Variants in CHIA observed in about 807,000 individuals in gnomAD.
CHIA encodes acidic mammalian chitinase.
CHIA carries 47 observed loss-of-function variants against 53.5 expected under a neutral mutation model. The observed-to-expected ratio is 0.88, with a 90% CI of 0.70 to 1.12. The LOEUF (loss-of-function observed/expected upper bound fraction) is 1.12. Among genes scored for constraint, CHIA ranks in the 50% most tolerant of loss-of-function variants. The probability of loss-of-function intolerance (pLI) is 0.00; values close to 1 mark genes in which losing one functional copy is unlikely to be tolerated. For synonymous variants in CHIA, 268 were observed against 222.2 expected (o/e 1.21, Z -1.83); for missense variants, 652 against 592.2 (o/e 1.10, Z -1.05).
Position 111,312,341 on chromosome 1 carries a change from C to G in CHIA, c.207C>G (p.Ile69Met). The change falls in exon 4 of 12, where the codon ATC (isoleucine) becomes ATG (methionine). Residue 69 changes from isoleucine to methionine, a missense_variant. Transcript: ENST00000369740. ...AGRQNNEITT[I>M]EWNDVTLYQA... ...GGCAGAACAACGAGATCACCACCAT[C>G]GAATGGAATGATGTGACTCTCTACC... 2.5e-6 allele frequency: 4 copies of G among 1,614,092 alleles called. No individual in the cohort carries two copies. The highest frequency in any genetic ancestry group is 1.6e-4 in the Middle Eastern group (1 of 6,062).
chr1:111,320,068 G>T, intron 11 of CHIA, 145 bp from the exon 12 acceptor site: 1 of 667,508 alleles, frequency 1.5e-6, no homozygotes. Flanking sequence ...TGAATATGGA[G>T]CTACTTTCTC....
Position 111,315,430 on chromosome 1 carries a change from G to A in CHIA, c.475G>A (p.Val159Met), listed in dbSNP as rs1223618282. 2 of 1,612,222 alleles carry A rather than the reference G, an allele frequency of 1.2e-6. No individual in the cohort carries two copies. The highest frequency in any genetic ancestry group is 1.7e-5 in the Admixed American group (1 of 59,704). Residue 159 changes from valine to methionine, a missense_variant, in exon 6 of 12, where the codon GTG becomes ATG. By Grantham distance (21) the Val-to-Met change is conservative. Coordinates refer to ENST00000369740, the MANE Select transcript of CHIA (RefSeq NM_201653.4). ...PQDKHLFTVLVQEMREAFEQE... is the reference protein window; with the variant it reads ...PQDKHLFTVLMQEMREAFEQE... The stretch of plus-strand genomic sequence containing the variant: ...GGACAAGCATCTCTTCACTGTCCTG[G>A]TGCAGGTGGGGAAGGAAGTCCCAGT...
chr1:111,317,924 G>A (rs1571303982), intron 7 of CHIA, 62 bp from the exon 8 acceptor site: 3 of 1,611,810 alleles, frequency 1.9e-6, no homozygotes, highest in African/African-American at 1.3e-5. Flanking sequence ...GTGGTGTCCT[G>A]TGCCTGCATA....
At chr1:111,299,994 G>A (rs909538073) in intron 1 of CHIA, among the ~76,000 whole-genome samples, 2 of 152,064 alleles carry the variant, frequency 1.3e-5, no homozygotes, top group Non-Finnish European at 2.9e-5. Context: ...ACTACAAAGA[G>A]AATAAAATAC....
At chr1:111,316,740 C>G (rs1035313598) in intron 6 of CHIA, 2 of 152,164 alleles carry the variant, frequency 1.3e-5, no homozygotes, top group African/African-American at 4.8e-5. Context: ...GGTTTTTAGA[C>G]TTACTGTCTC....
intron 1 of CHIA, among the ~76,000 whole-genome samples, chr1:111,305,106 T>C (rs1230989602): frequency 1.3e-5 from 2 of 152,192 alleles, no homozygotes; most frequent in African/African-American, 4.8e-5. Context: ...ATCTCTGTGC[T>C]GAGAATAAGC....
In CHIA at chr1:111,319,258, A is replaced by G; in HGVS notation, c.1035+19A>G. ...TATTAAGGTAAGATCAGTCCCTTAAATGTGCTGAGGTCCCAGCCCTGAGTC... is the reference window on the plus strand; with the variant it reads ...TATTAAGGTAAGATCAGTCCCTTAAGTGTGCTGAGGTCCCAGCCCTGAGTC... On this transcript the variant is annotated intron_variant, in intron 10 of 11. Coordinates refer to ENST00000369740, the MANE Select transcript of CHIA (RefSeq NM_201653.4). 6.2e-7 allele frequency: 1 copy of G among 1,614,188 alleles called. No homozygotes were observed. Among genetic ancestry groups the G allele is most frequent in the South Asian group, 1.1e-5 (1 of 91,068 alleles).
chr1:111,314,530 T>C lies in CHIA; in HGVS notation c.258-10T>C, dbSNP rs1392781992. ...TTGAAGTTTATCTGTTTCTATCCTT[T>C]GTTTTACAGGAACAGCCAGCTGAAA... On this transcript the variant is annotated splice_polypyrimidine_tract_variant and intron_variant, in intron 4 of 11. Transcript: ENST00000369740. 7 of 1,595,928 alleles carry C rather than the reference T, an allele frequency of 4.4e-6. No homozygotes were observed. The highest frequency in any genetic ancestry group is 1.7e-5 in the Admixed American group (1 of 59,980).
intron 1 of CHIA, among the ~76,000 whole-genome samples, chr1:111,300,069 A>G (rs1280451922): frequency 2.0e-5 from 3 of 152,190 alleles, no homozygotes; most frequent in Non-Finnish European, 2.9e-5. Flanking sequence ...GCACTGCTCA[A>G]TGAAATTAAA....
At position 111,319,240 on chromosome 1, in the gene CHIA, G is replaced by T; in HGVS notation, c.1035+1G>T. On this transcript the variant is annotated splice_donor_variant, in intron 10 of 11. Transcript: ENST00000369740. LOFTEE classifies it high-confidence loss of function. Reference sequence around the variant, plus strand: ...CAACATCAAGAGCTTCGATATTAAGGTAAGATCAGTCCCTTAAATGTGCTG... The same window carrying T: ...CAACATCAAGAGCTTCGATATTAAGTTAAGATCAGTCCCTTAAATGTGCTG... The T allele has an allele frequency of 6.2e-7, 1 of 1,614,184 alleles. No individual in the cohort carries two copies. Among genetic ancestry groups the T allele is most frequent in the Non-Finnish European group, 8.5e-7 (1 of 1,180,034 alleles).
intron 6 of CHIA, chr1:111,315,924 A>G (rs764294525): frequency 2.3e-3 from 226 of 96,916 alleles, no homozygotes; most frequent in Non-Finnish European, 4.0e-3. Flanking sequence ...ATAAGACACT[A>G]TCCTTGGCTT....
At chr1:111,294,654 T>C (rs993853797) in intron 1 of CHIA, among the ~76,000 whole-genome samples, 3 of 152,214 alleles carry the variant, frequency 2.0e-5, no homozygotes, top group African/African-American at 7.2e-5. Flanking sequence ...TCTTTCACCA[T>C]TGAGTATGAT....
chr1:111,319,210 T>C lies in CHIA; in HGVS notation c.1006T>C (p.Tyr336His). 1 of 1,614,218 alleles carries C rather than the reference T, an allele frequency of 6.2e-7. No individual in the cohort carries two copies. ...CTATCAGGGCAATGTGTGGGTTGGC[T>C]ATGACAACATCAAGAGCTTCGATAT... ...YAYQGNVWVG[Y>H]DNIKSFDIKA... The change falls in exon 10 of 12, where the codon TAT (tyrosine) becomes CAT (histidine). Residue 336 changes from tyrosine to histidine, a missense_variant. Transcript: ENST00000369740.
Position 111,318,069 on chromosome 1 carries a change from A to T in CHIA, c.689A>T (p.Lys230Ile). 1 of 1,613,918 alleles carries T rather than the reference A, an allele frequency of 6.2e-7. No individual in the cohort carries two copies. Among genetic ancestry groups the T allele is most frequent in the Non-Finnish European group, 8.5e-7 (1 of 1,179,796 alleles). ...GYTGENSPLY[K>I]YPTDTGSNAY... ...ACTGGAGAGAACAGCCCCCTCTACA[A>T]ATACCCGACTGACACCGGCAGCAAC... Residue 230 changes from lysine to isoleucine, a missense_variant, in exon 8 of 12, where the codon AAA becomes ATA. Physicochemically the swap from Lys to Ile is moderately radical, Grantham distance 102 (BLOSUM62 -3). Coordinates refer to ENST00000369740, the MANE Select transcript of CHIA (RefSeq NM_201653.4).
At chr1:111,294,550 T>C (rs904081669) in intron 1 of CHIA, among the ~76,000 whole-genome samples, 4 of 152,218 alleles carry the variant, frequency 2.6e-5, no homozygotes, top group Non-Finnish European at 5.9e-5. Context: ...TATGTCTTAT[T>C]TTTGCCCAAA....
chr1:111,310,405 T>C lies in CHIA; in HGVS notation c.-63T>C. 1 of 1,609,506 alleles carries C rather than the reference T, an allele frequency of 6.2e-7. No homozygotes were observed. Among genetic ancestry groups the C allele is most frequent in the Non-Finnish European group, 8.5e-7 (1 of 1,178,598 alleles). On this transcript the variant is annotated 5_prime_UTR_variant, in exon 2 of 12. Transcript: ENST00000369740. ...TCAAATTGTTCTCTATTTAGAAGCC[T>C]TTGTGATAACCACAGAATCAGAACA...
chr1:111,318,853 A>G (rs7526459), intron 9 of CHIA, among the ~76,000 whole-genome samples, 175 bp downstream of exon 9: 18,476 of 152,304 alleles, frequency 0.12, 1,194 homozygotes, highest in African/African-American at 0.17. Context: ...GCATTTAACA[A>G]TGCATAATAT....
At chr1:111,309,904 A>G (rs565527634) in intron 1 of CHIA, among the ~76,000 whole-genome samples, 4 of 152,360 alleles carry the variant, frequency 2.6e-5, no homozygotes, top group African/African-American at 9.6e-5. Flanking sequence ...AGATAAAATT[A>G]TCATTTAGTC....
rs1203779184 is a variant in CHIA at position 111,320,438 on chromosome 1, C to T, written c.1403C>T (p.Thr468Ile). The change falls in exon 12 of 12, where the codon ACC (threonine) becomes ATC (isoleucine). Residue 468 changes from threonine (T) to isoleucine (I), a missense_variant. Physicochemically the swap from Thr to Ile is moderately conservative, Grantham distance 89 (BLOSUM62 -1). Coordinates refer to ENST00000369740, the MANE Select transcript of CHIA (RefSeq NM_201653.4). ...QNCQAGLVFD[T>I]SCDCCNWA ...TGCCAGGCCGGGCTTGTCTTCGACA[C>T]CAGCTGTGATTGCTGCAACTGGGCA... The T allele has an allele frequency of 1.2e-6, 2 of 1,614,032 alleles. No individual in the cohort carries two copies. Among genetic ancestry groups the T allele is most frequent in the Non-Finnish European group, 1.7e-6 (2 of 1,179,974 alleles).
Sources: gnomAD v4.1 joint callset for allele counts (sites outside exome capture counted in the v4.1 genomes callset) on GRCh38, gnomAD v4.1.1 for gene constraint, MANE v1.5 for transcripts, NCBI Gene and HGNC (gene_info 2026-07-23, HGNC 2026-07-21) for gene names.